Variants in PAFAH2 observed in about 807,000 individuals in gnomAD.
PAFAH2 encodes the protein platelet activating factor acetylhydrolase 2, also known as platelet-activating factor acetylhydrolase 2, cytoplasmic.
Under a neutral mutation model 49.0 loss-of-function variants are expected in PAFAH2, and 42 were observed. The observed-to-expected ratio is 0.86, with a 90% CI of 0.67 to 1.11. The LOEUF is 1.11. Among genes scored for constraint, PAFAH2 ranks in the 50% least tolerant of loss-of-function variants. The pLI is 0.00. For missense variants in PAFAH2, 503 were observed against 501.8 expected, an observed-to-expected ratio of 1.00 and a Z score of -0.02; for synonymous variants, 184 against 181.3, an observed-to-expected ratio of 1.01 and a Z score of -0.12.
chr1:25,974,778 C>A, intron 8 of PAFAH2, 128 bp from the exon 9 acceptor site: 1 of 736,032 alleles, frequency 1.4e-6, no homozygotes, highest in Admixed American at 3.0e-5. Flanking sequence ...AGGGGGGTAC[C>A]AGGGCCCACG....
At chr1:25,964,339 A>G (rs2049388365) in intron 10 of PAFAH2, 1 of 152,312 alleles carries the variant, frequency 6.6e-6, no homozygotes. Flanking sequence ...TGAGGAAGCC[A>G]AAATAATAAA....
rs891939767 is a variant in PAFAH2 at position 25,987,498 on chromosome 1, G to A, written c.341+733C>T. ...TGTAATCCCAGCACTTTGGGAGGCC[G>A]AGGCTGCTGGCTCCACAAGTGCAGG... On this transcript the variant is annotated intron_variant, in intron 4 of 10. Transcript: ENST00000374282. Among the ~76,000 whole-genome samples the A allele has an allele frequency of 7.2e-5, 11 of 152,168 alleles. No individual in the cohort carries two copies. In the South Asian group the frequency reaches 1.5e-3, roughly 20 times the overall value.
chr1:25,976,796 C>A, intron 7 of PAFAH2, 23 bp from the exon 8 acceptor site: 1 of 1,593,280 alleles, frequency 6.3e-7, no homozygotes, highest in Non-Finnish European at 8.6e-7. Flanking sequence ...GAGAACTTAG[C>A]CAAGTCAGAA....
intron 1 of PAFAH2, among the ~76,000 whole-genome samples, chr1:25,993,905 C>G (rs767568548): frequency 3.8e-4 from 58 of 152,032 alleles, no homozygotes; most frequent in Non-Finnish European, 6.9e-4. Context: ...AAGTAGAGAG[C>G]AGGGGAAGAT....
chr1:25,964,936 C>A (rs1252849726), intron 10 of PAFAH2, among the ~76,000 whole-genome samples: 1 of 151,914 alleles, frequency 6.6e-6, no homozygotes, highest in African/African-American at 2.4e-5. Context: ...CATATGGAAC[C>A]AAAAAAGAGC....
At chr1:25,977,278 C>T (rs2049607895) in intron 7 of PAFAH2, among the ~76,000 whole-genome samples, 1 of 151,088 alleles carries the variant, frequency 6.6e-6, no homozygotes, top group Non-Finnish European at 1.5e-5. Flanking sequence ...GGATTACAGG[C>T]GTGAGCCACC....
chr1:25,978,807 A>T (rs1222361156), intron 7 of PAFAH2, among the ~76,000 whole-genome samples: 1 of 152,228 alleles, frequency 6.6e-6, no homozygotes, highest in African/African-American at 2.4e-5. Flanking sequence ...TTTATGTAGG[A>T]GAGAAATACA....
intron 1 of PAFAH2, among the ~76,000 whole-genome samples, chr1:25,993,972 T>C (rs1333196757): frequency 6.6e-6 from 1 of 151,964 alleles, no homozygotes; most frequent in Non-Finnish European, 1.5e-5. Context: ...GAAGGAAGCT[T>C]GTGTGAGAAA....
At chr1:25,989,375 C>T (rs201387387) in intron 3 of PAFAH2, 73 bp downstream of exon 3, 58 of 1,403,282 alleles carry the variant, frequency 4.1e-5, no homozygotes, top group Non-Finnish European at 4.8e-5. Flanking sequence ...TAAGGTACTG[C>T]GTCCACCTGG....
At chr1:25,993,313 C>T (rs567054698) in intron 1 of PAFAH2, among the ~76,000 whole-genome samples, 35 of 152,272 alleles carry the variant, frequency 2.3e-4, no homozygotes, top group African/African-American at 8.2e-4. Context: ...GAGTTCCAGT[C>T]AAAGCATGTC....
At chr1:25,965,766 C>T (rs946078889) in intron 10 of PAFAH2, among the ~76,000 whole-genome samples, 5 of 141,398 alleles carry the variant, frequency 3.5e-5, no homozygotes, top group Non-Finnish European at 6.0e-5. Context: ...CACAGTAAGC[C>T]GAGATCACAC....
rs765196451 is a variant in PAFAH2 at position 25,972,674 on chromosome 1, AC to A, written c.967del (p.Val323Ter). 1 of 1,614,022 alleles carries A rather than the reference AC, an allele frequency of 6.2e-7. No individual in the cohort carries two copies. Among genetic ancestry groups the A allele is most frequent in the Admixed American group, 1.7e-5 (1 of 60,018 alleles). On this transcript the variant is annotated frameshift_variant, in exon 10 of 11. Transcript: ENST00000374282. LOFTEE classifies it high-confidence loss of function. ...GAATTTACCAATCAAGTTGCCAGTC[AC>A]AAAAGCAAAGTCAGTTTGACTCCGA... ...VHRSQTDFAF[V>X]TGNLIGKFFS...
chr1:25,986,281 C>T (rs771758739), intron 4 of PAFAH2, among the ~76,000 whole-genome samples: 4 of 152,034 alleles, frequency 2.6e-5, no homozygotes, highest in African/African-American at 4.8e-5. Flanking sequence ...CAGGAAAAGA[C>T]GGAGAGGGGC....
At chr1:25,989,421 G>A in intron 3 of PAFAH2, 27 bp downstream of exon 3, 2 of 1,538,086 alleles carry the variant, frequency 1.3e-6, no homozygotes, top group African/African-American at 1.4e-5. Context: ...AACTGGGAAA[G>A]CATGCAGAGG....
At chr1:25,972,191 G>A (rs114274560) in intron 10 of PAFAH2, among the ~76,000 whole-genome samples, 2,431 of 152,084 alleles carry the variant, frequency 0.016, 71 homozygotes, top group African/African-American at 0.056. Flanking sequence ...GACCTCCTAG[G>A]CTTAACTGAT....
chr1:25,989,277 A>C (rs921367408), intron 3 of PAFAH2, among the ~76,000 whole-genome samples, 171 bp downstream of exon 3: 12 of 152,174 alleles, frequency 7.9e-5, no homozygotes, highest in African/African-American at 2.2e-4. Flanking sequence ...TCAGTCACCA[A>C]AGCTCTTTCA....
chr1:25,987,851 C>T (rs924209062), intron 4 of PAFAH2, among the ~76,000 whole-genome samples: 3 of 152,064 alleles, frequency 2.0e-5, no homozygotes, highest in African/African-American at 4.8e-5. Context: ...GCACTCCAGC[C>T]TGGGCAACAG....
chr1:25,987,561 C>T (rs2049801480), intron 4 of PAFAH2, among the ~76,000 whole-genome samples: 3 of 152,128 alleles, frequency 2.0e-5, no homozygotes, highest in Non-Finnish European at 4.4e-5. Context: ...CAATGCCACA[C>T]ACAGAGTGAA....
At chr1:25,988,461 G>A in intron 3 of PAFAH2, 134 bp from the exon 4 acceptor site, 1 of 641,196 alleles carries the variant, frequency 1.6e-6, no homozygotes, top group Non-Finnish European at 2.8e-6. Flanking sequence ...GAGCAGCTCA[G>A]GGCAGTTAAT....
Sources: gnomAD v4.1 joint callset for allele counts (sites outside exome capture counted in the v4.1 genomes callset) on GRCh38, gnomAD v4.1.1 for gene constraint, MANE v1.5 for transcripts, NCBI Gene and HGNC (gene_info 2026-07-23, HGNC 2026-07-21) for gene names.